Variants in RAB29 observed in about 807,000 individuals in gnomAD.
RAB29 encodes the protein ras-related protein Rab-29.
A neutral mutation model predicts 25.5 loss-of-function variants in RAB29; 13 were observed. The ratio of observed to expected loss-of-function variants is 0.51; its 90% CI spans 0.33 to 0.81. The LOEUF (loss-of-function observed/expected upper bound fraction) is 0.81. RAB29 is among the 30% of genes least tolerant of loss of function. The pLI, the probability that RAB29 is intolerant of heterozygous loss-of-function variation, is 0.02. For missense variants in RAB29, 201 were observed against 254.9 expected, an observed-to-expected ratio of 0.79 and a Z score of 1.44; for synonymous variants, 88 against 95.0, an observed-to-expected ratio of 0.93 and a Z score of 0.43.
chr1:205,771,707 T>A, intron 3 of RAB29, 54 bp from the exon 4 acceptor site: 1 of 1,520,432 alleles, frequency 6.6e-7, no homozygotes, highest in Non-Finnish European at 9.1e-7. Context: ...CCTCTCCCCA[T>A]TCCTTGTAGA....
intron 5 of RAB29, 54 bp downstream of exon 5, chr1:205,770,679 G>A: frequency 6.2e-7 from 1 of 1,611,558 alleles, no homozygotes; most frequent in South Asian, 1.1e-5. Context: ...AGGGTCCACA[G>A]GGCCACAGTG....
Position 205,770,064 on chromosome 1 carries a change from T to C in RAB29, c.*278A>G, listed in dbSNP as rs823138. The C allele has an allele frequency of 0.92, 428,945 of 467,530 alleles. 198,696 individuals are homozygous for C. The highest frequency in any genetic ancestry group is 0.97 in the Non-Finnish European group (250,648 of 259,206). The allele number at this position is 467,530 out of a possible 1,614,324, so 29.0% of individuals were successfully genotyped here. ...AGGTGCTGATTTCTAATCCTTCTCA[T>C]AAAATTCCGGATCACAAATTGAGGG... On this transcript the variant is annotated 3_prime_UTR_variant, in exon 6 of 6. Coordinates refer to ENST00000367139, the MANE Select transcript of RAB29 (RefSeq NM_003929.3).
chr1:205,772,417 G>A, intron 3 of RAB29, 79 bp downstream of exon 3: 1 of 1,419,354 alleles, frequency 7.0e-7, no homozygotes, highest in Non-Finnish European at 1.0e-6. Flanking sequence ...TTCTGGCTTT[G>A]CTGCCCCATT....
In RAB29 at chr1:205,773,381, T is replaced by A. The variant is rs1040429088; in HGVS notation, c.125-814A>T. Reference sequence around the variant, plus strand: ...GGAAAACTACAGCAATTGTTAAAAATTAACTATTAATAGCAGGCCACTTTT... The same window carrying A: ...GGAAAACTACAGCAATTGTTAAAAAATAACTATTAATAGCAGGCCACTTTT... On this transcript the variant is annotated intron_variant, in intron 2 of 5. Transcript: ENST00000367139. Among the ~76,000 whole-genome samples, 2 of 152,324 alleles carry A rather than the reference T, an allele frequency of 1.3e-5. 1 individual carries two copies. The highest frequency in any genetic ancestry group is 4.8e-5 in the African/African-American group (2 of 41,578).
At chr1:205,773,876 A>C (rs1655159353) in intron 2 of RAB29, among the ~76,000 whole-genome samples, 1 of 152,244 alleles carries the variant, frequency 6.6e-6, no homozygotes, top group Admixed American at 6.5e-5. Flanking sequence ...TTAAACTTCC[A>C]TATGAACAGG....
At chr1:205,773,321 G>GA (rs11286094) in intron 2 of RAB29, among the ~76,000 whole-genome samples, 1 of 151,922 alleles carries the variant, frequency 6.6e-6, no homozygotes, top group South Asian at 2.1e-4. Context: ...ACTAAACACT[G>GA]AAAAAAAAAT....
intron 2 of RAB29, 38 bp downstream of exon 2, chr1:205,774,795 T>TCCAACC: frequency 1.2e-4 from 105 of 860,448 alleles, no homozygotes; most frequent in Non-Finnish European, 1.5e-4. Context: ...CGGGGCCTCC[T>TCCAACC]CCTCCCCCTC....
At position 205,775,199 on chromosome 1, in the gene RAB29, T is replaced by A. The variant is rs1655260040; in HGVS notation, c.-131+74A>T. ...AGGGCGCGAGCTCCGAGCCCCCGGC[T>A]GTTCGCACCTTCCCCACCCCCTCCT... On this transcript the variant is annotated intron_variant, in intron 1 of 5. Transcript: ENST00000367139. 2.9e-5 allele frequency: 14 copies of A among 483,570 alleles called. No homozygotes were observed. In the South Asian group the frequency reaches 3.2e-4, roughly 11 times the overall value. 30.0% of individuals were successfully genotyped at this position (483,570 alleles called of 1,614,324 possible).
chr1:205,770,741 C>T lies in RAB29; in HGVS notation c.492G>A (p.Glu164=), dbSNP rs1181435594. 1.2e-6 allele frequency: 2 copies of T among 1,613,984 alleles called. No individual in the cohort carries two copies. Among genetic ancestry groups the T allele is most frequent in the African/African-American group, 1.3e-5 (1 of 74,906 alleles). The stretch of plus-strand genomic sequence containing the variant: ...CAGCATGAGCTACTTACCTCATAGC[C>T]TCATTAATATTTTTGTTCTCCTTGA... ...TSVKENKNIN[E]AMRVLIEKMM... Residue 164 remains glutamate, a synonymous_variant, in exon 5 of 6, where the codon GAG becomes GAA. Transcript: ENST00000367139.
At chr1:205,772,832 G>A (rs1175540438) in intron 2 of RAB29, among the ~76,000 whole-genome samples, 1 of 152,056 alleles carries the variant, frequency 6.6e-6, no homozygotes, top group Non-Finnish European at 1.5e-5. Context: ...CTCCAAGACT[G>A]GGGGTGGGAG....
chr1:205,771,241 G>C, intron 4 of RAB29: 1 of 555,160 alleles, frequency 1.8e-6, no homozygotes, highest in Non-Finnish European at 3.2e-6. Flanking sequence ...AGAGCTGGCA[G>C]TGAGCCGAGA....
Position 205,770,289 on chromosome 1 carries a change from G to A in RAB29, c.*53C>T. 1.4e-6 allele frequency: 2 copies of A among 1,466,776 alleles called. No homozygotes were observed. Among genetic ancestry groups the A allele is most frequent in the Non-Finnish European group, 1.9e-6 (2 of 1,047,352 alleles). The allele number at this position is 1,466,776 out of a possible 1,614,324, so 90.9% of individuals were successfully genotyped here. On this transcript the variant is annotated 3_prime_UTR_variant, in exon 6 of 6. Transcript: ENST00000367139. The stretch of plus-strand genomic sequence containing the variant: ...AAATTGTCAGGTGGGCAACCAAAGG[G>A]AAGAGACTTAAAAGACCTCCCAGAA...
chr1:205,774,798 T>TCCCCC, intron 2 of RAB29, 35 bp downstream of exon 2: 1 of 658,514 alleles, frequency 1.5e-6, no homozygotes, highest in African/African-American at 1.9e-5. Context: ...GGCCTCCTCC[T>TCCCCC]CCCCCTCCCC....
At position 205,772,584 on chromosome 1, in the gene RAB29, A is replaced by G. The variant is rs1471829626; in HGVS notation, c.125-17T>C. On this transcript the variant is annotated splice_polypyrimidine_tract_variant and intron_variant, in intron 2 of 5. Coordinates refer to ENST00000367139, the MANE Select transcript of RAB29 (RefSeq NM_003929.3). ...CAAAATCCACTGAAAATATATGTAC[A>G]TTATACTTTAATAAAATTTCACTGT... The G allele has an allele frequency of 1.2e-6, 2 of 1,600,148 alleles. No homozygotes were observed. The highest frequency in any genetic ancestry group is 1.7e-5 in the Admixed American group (1 of 59,984).
intron 3 of RAB29, among the ~76,000 whole-genome samples, chr1:205,772,256 T>C (rs990022526): frequency 3.9e-5 from 6 of 152,100 alleles, no homozygotes; most frequent in Admixed American, 2.0e-4. Flanking sequence ...TGTCCACCTA[T>C]AGTCTGGACA....
In RAB29 at chr1:205,768,780, C is replaced by G. The variant is rs1337090872; in HGVS notation, c.*1562G>C. 2 of 152,126 alleles carry G rather than the reference C, an allele frequency of 1.3e-5. No individual in the cohort carries two copies. Among genetic ancestry groups the G allele is most frequent in the Admixed American group, 1.3e-4 (2 of 15,262 alleles). The allele number at this position is 152,126 out of a possible 1,614,324, so 9.4% of individuals were successfully genotyped here. On this transcript the variant is annotated 3_prime_UTR_variant, in exon 6 of 6. Transcript: ENST00000367139. ...GAACTCCTGACCTCAGGCGATCCAC[C>G]TGCCTCAGCCTCCCAAAGTGCTGGG...
intron 2 of RAB29, 112 bp from the exon 3 acceptor site, chr1:205,772,679 A>G (rs1021499003): frequency 7.1e-6 from 7 of 981,040 alleles, no homozygotes; most frequent in Middle Eastern, 2.3e-4. Context: ...CTCCAATCCC[A>G]TATGTTTAAC....
intron 2 of RAB29, 38 bp downstream of exon 2, chr1:205,774,795 T>TCCG: frequency 3.5e-6 from 3 of 860,522 alleles, no homozygotes; most frequent in Non-Finnish European, 5.5e-6. Context: ...CGGGGCCTCC[T>TCCG]CCTCCCCCTC....
Position 205,769,040 on chromosome 1 carries a change from G to C in RAB29, c.*1302C>G, listed in dbSNP as rs2102465879. The C allele has an allele frequency of 6.6e-6, 1 of 152,226 alleles. No individual in the cohort carries two copies. Among genetic ancestry groups the C allele is most frequent in the South Asian group, 2.1e-4 (1 of 4,828 alleles). 9.4% of individuals were successfully genotyped at this position (152,226 alleles called of 1,614,324 possible). A position where few individuals can be genotyped will look rare whatever the true frequency, so the allele number is the denominator to read the frequency against. On this transcript the variant is annotated 3_prime_UTR_variant, in exon 6 of 6. Coordinates refer to ENST00000367139, the MANE Select transcript of RAB29 (RefSeq NM_003929.3). ...TAGAGATAATTTAACAAATTAAATG[G>C]TCTAGTAGTGATTTGATACTAAAAA...
Sources: allele counts gnomAD v4.1 joint callset (sites outside exome capture counted in the v4.1 genomes callset), GRCh38; gene constraint gnomAD v4.1.1; transcripts MANE v1.5; gene names NCBI Gene and HGNC (gene_info 2026-07-23, HGNC 2026-07-21).